Variants in TENM4 observed in about 807,000 individuals in gnomAD.
TENM4 encodes the protein teneurin-4.
A neutral mutation model predicts 243.3 loss-of-function variants in TENM4; 82 were observed. That is an observed-to-expected ratio of 0.34 (90% CI 0.28 to 0.40). TENM4 has a LOEUF of 0.40. Ranked by LOEUF, TENM4 falls within the 10% of genes least tolerant of loss-of-function variation. The pLI is 1.00. For synonymous variants in TENM4, 1,412 were observed against 1,456.3 expected (o/e 0.97, Z 0.69); for missense variants, 3,138 against 3,673.3 (o/e 0.85, Z 3.77).
At chr11:78,725,456 T>C (rs1270756242) in intron 23 of TENM4, among the ~76,000 whole-genome samples, 5 of 152,236 alleles carry the variant, frequency 3.3e-5, no homozygotes, top group Non-Finnish European at 7.3e-5. Flanking sequence ...CGTTAGTCCC[T>C]GCAGAGGCTT....
intron 5 of TENM4, among the ~76,000 whole-genome samples, chr11:79,066,605 C>T (rs905158961): frequency 4.6e-5 from 7 of 151,822 alleles, no homozygotes; most frequent in Non-Finnish European, 8.8e-5. Context: ...CACACACGCG[C>T]GTGCACACAC....
chr11:79,351,163 T>A (rs1857409182), intron 1 of TENM4, among the ~76,000 whole-genome samples: 1 of 152,262 alleles, frequency 6.6e-6, no homozygotes, highest in Non-Finnish European at 1.5e-5. Flanking sequence ...TTTAAGGCTT[T>A]GTTCAAATCT....
intron 6 of TENM4, among the ~76,000 whole-genome samples, chr11:78,983,573 T>C (rs1409295244): frequency 2.0e-5 from 3 of 152,158 alleles, no homozygotes; most frequent in Non-Finnish European, 4.4e-5. Context: ...CCGACTGGCT[T>C]TTGCACAGTG....
intron 2 of TENM4, among the ~76,000 whole-genome samples, chr11:79,230,113 T>C (rs866448933): frequency 6.6e-6 from 1 of 151,942 alleles, no homozygotes; most frequent in Non-Finnish European, 1.5e-5. Flanking sequence ...TATGAACTTC[T>C]CGAGGAAGGA....
rs1859375389 is a variant in TENM4, at chr11:79,440,258, C to A, written c.-321+251G>T. On this transcript the variant is annotated intron_variant, in intron 1 of 33. Coordinates refer to ENST00000278550, the MANE Select transcript of TENM4 (RefSeq NM_001098816.3). The surrounding 1 kb of genome is among the most constrained non-coding windows in gnomAD (Gnocchi z 4.7). Reference sequence around the variant, plus strand: ...CCCTCCCCCAACCCTTGCTCCCAGGCTCCAGTCCGCGGCGGGCTCCGGGGG... The same window carrying A: ...CCCTCCCCCAACCCTTGCTCCCAGGATCCAGTCCGCGGCGGGCTCCGGGGG... Among the ~76,000 whole-genome samples, 1 of 151,664 alleles carries A rather than the reference C, an allele frequency of 6.6e-6. No individual in the cohort carries two copies. The highest frequency in any genetic ancestry group is 1.5e-5 in the Non-Finnish European group (1 of 67,890).
chr11:78,842,004 T>C (rs1040837107), intron 12 of TENM4, among the ~76,000 whole-genome samples: 17 of 152,192 alleles, frequency 1.1e-4, no homozygotes, highest in Non-Finnish European at 5.9e-5. Flanking sequence ...TGCTTCTTGG[T>C]TGATACATCT....
chr11:79,238,896 A>T (rs1282104176), intron 2 of TENM4, among the ~76,000 whole-genome samples: 1 of 152,154 alleles, frequency 6.6e-6, no homozygotes, highest in African/African-American at 2.4e-5. Flanking sequence ...GTGGTGGCAC[A>T]TGCCTGTAAT....
intron 3 of TENM4, among the ~76,000 whole-genome samples, chr11:79,167,393 C>A (rs138697660): frequency 1.3e-5 from 2 of 152,188 alleles, no homozygotes; most frequent in African/African-American, 2.4e-5. Context: ...GAGCAACTAA[C>A]TCTGCACCAG....
intron 2 of TENM4, among the ~76,000 whole-genome samples, chr11:79,296,903 T>C (rs764057139): frequency 6.6e-6 from 1 of 152,134 alleles, no homozygotes; most frequent in African/African-American, 2.4e-5. Context: ...ACTGATTGGG[T>C]TGTGAACTCC....
At chr11:78,847,498 C>A (rs1440425845) in intron 12 of TENM4, among the ~76,000 whole-genome samples, 1 of 152,230 alleles carries the variant, frequency 6.6e-6, no homozygotes, top group Non-Finnish European at 1.5e-5. Context: ...TTCCCCTCAG[C>A]AGAATTTTAG....
At position 79,146,190 on chromosome 11, in the gene TENM4, A is replaced by G. The variant is rs543863487; in HGVS notation, c.-66+2520T>C. ...AACCCACAATTTGAAGCACCCTGTG[A>G]TACACAATTATGCAGTCTTTCCTGG... is the stretch of plus-strand genomic sequence containing the variant. On this transcript the variant is annotated intron_variant, in intron 4 of 33. Transcript: ENST00000278550. 2.5e-4 allele frequency among the ~76,000 whole-genome samples: 38 copies of G among 152,198 alleles called. 1 individual carries two copies. The highest frequency in any genetic ancestry group is 9.1e-4 in the African/African-American group (38 of 41,544).
intron 1 of TENM4, among the ~76,000 whole-genome samples, chr11:79,310,644 G>A (rs116317672): frequency 0.012 from 1,883 of 152,282 alleles, 41 homozygotes; most frequent in African/African-American, 0.04. Flanking sequence ...AGTTAACAAC[G>A]GGCAGCTTTC....
chr11:79,331,565 C>T (rs1421134655), intron 1 of TENM4, among the ~76,000 whole-genome samples: 8 of 152,250 alleles, frequency 5.3e-5, no homozygotes, highest in South Asian at 4.2e-4. Flanking sequence ...CAACATCTAC[C>T]GGATACAGTG....
intron 18 of TENM4, among the ~76,000 whole-genome samples, chr11:78,765,506 C>T (rs1373603824): frequency 2.0e-5 from 3 of 152,084 alleles, no homozygotes; most frequent in Admixed American, 6.6e-5. Flanking sequence ...CTATTGCAAC[C>T]CATGATTGTT....
intron 3 of TENM4, among the ~76,000 whole-genome samples, chr11:79,159,362 G>A (rs887106713): frequency 6.6e-6 from 1 of 152,140 alleles, no homozygotes; most frequent in African/African-American, 2.4e-5. Flanking sequence ...GCACTAGGTA[G>A]CATCACCCTT....
intron 1 of TENM4, among the ~76,000 whole-genome samples, chr11:79,410,863 T>G (rs918404492): frequency 2.0e-5 from 3 of 152,200 alleles, no homozygotes; most frequent in Non-Finnish European, 4.4e-5. Flanking sequence ...TAGTAAGTCC[T>G]GTACTCTACA....
chr11:78,941,387 T>C (rs537027603), intron 6 of TENM4, among the ~76,000 whole-genome samples: 3 of 151,200 alleles, frequency 2.0e-5, no homozygotes, highest in East Asian at 3.9e-4. Context: ...AAGTGGCACA[T>C]GGGGCTGGTG....
intron 6 of TENM4, among the ~76,000 whole-genome samples, chr11:78,931,029 T>A (rs1214010524): frequency 2.6e-5 from 4 of 152,202 alleles, no homozygotes; most frequent in Non-Finnish European, 5.9e-5. Flanking sequence ...AGCAAACATC[T>A]AACGTAATTT....
At chr11:79,348,779 G>C (rs184592357) in intron 1 of TENM4, among the ~76,000 whole-genome samples, 67 of 152,294 alleles carry the variant, frequency 4.4e-4, no homozygotes, top group African/African-American at 1.6e-3. Context: ...ATGGTATTTT[G>C]TTATGGCAGC....
Sources: gnomAD v4.1 joint callset for allele counts (sites outside exome capture counted in the v4.1 genomes callset) on GRCh38, gnomAD v4.1.1 for gene constraint, Gnocchi (gnomAD v3.1) non-coding constraint, MANE v1.5 for transcripts, NCBI Gene and HGNC (gene_info 2026-07-23, HGNC 2026-07-21) for gene names.